SMC6: variants seen among roughly 807,000 people sequenced by gnomAD.
SMC6 encodes the protein structural maintenance of chromosomes 6.
SMC6 carries 79 observed loss-of-function variants against 142.2 expected under a neutral mutation model. That is an observed-to-expected ratio of 0.56 (90% CI 0.46 to 0.67). The LOEUF (loss-of-function observed/expected upper bound fraction) is 0.67. Ranked by LOEUF, SMC6 falls within the 30% of genes least tolerant of loss-of-function variation. The pLI, the probability that SMC6 is intolerant of heterozygous loss-of-function variation, is 0.00. For missense variants in SMC6, 1,072 were observed against 1,284.0 expected (o/e 0.83, Z 2.52); for synonymous variants, 411 against 412.4 (o/e 1.00, Z 0.04).
Position 17,679,169 on chromosome 2 carries a change from A to G in SMC6, c.2805-205T>C. On this transcript the variant is annotated intron_variant, in intron 24 of 27. Transcript: ENST00000448223. ...TATGTCCCTACACTTTCACCAGTTC[A>G]TTTACTTTTATAACAAAAAAATTAA... 5 of 433,530 alleles carry G rather than the reference A, an allele frequency of 1.2e-5. No homozygotes were observed. In the South Asian group the frequency reaches 2.2e-4, roughly 19 times the overall value. The allele number at this position is 433,530 out of a possible 1,614,324, so 26.9% of individuals were successfully genotyped here. A position where few individuals can be genotyped will look rare whatever the true frequency, so the allele number is the denominator to read the frequency against.
chr2:17,700,331 TTCC>T lies in SMC6; in HGVS notation c.2268_2270del (p.Glu757del). 1 of 1,609,996 alleles carries T rather than the reference TTCC, an allele frequency of 6.2e-7. No individual in the cohort carries two copies. Among genetic ancestry groups the T allele is most frequent in the Non-Finnish European group, 8.5e-7 (1 of 1,178,600 alleles). On this transcript the variant is annotated inframe_deletion, in exon 21 of 28. Transcript: ENST00000448223. ...TATTTTCTTTTTGTTGCTCCATATG[TTCC>T]TCAACCATTTTCATTTTGCTTTTAT...
rs1666421708 is a variant in SMC6 at position 17,664,827 on chromosome 2, G to C, written c.*672C>G. ...CTCTAGCCTGTGTCCTCTCAGCTGA[G>C]GACAAGCCTGAACAGTCCCTGGACT... On this transcript the variant is annotated 3_prime_UTR_variant, in exon 28 of 28. Transcript: ENST00000448223. The C allele has an allele frequency of 6.6e-6, 1 of 152,192 alleles. No homozygotes were observed. Among genetic ancestry groups the C allele is most frequent in the African/African-American group, 2.4e-5 (1 of 41,408 alleles). The allele number at this position is 152,192 out of a possible 1,614,324, so 9.4% of individuals were successfully genotyped here.
chr2:17,693,084 A>G (rs1436705400), intron 23 of SMC6, among the ~76,000 whole-genome samples: 2 of 152,196 alleles, frequency 1.3e-5, no homozygotes, highest in Admixed American at 6.5e-5. Context: ...GTAGAGAAAT[A>G]GGAACACTTT....
chr2:17,731,744 T>C lies in SMC6; in HGVS notation c.478A>G (p.Thr160Ala). 1 of 1,611,050 alleles carries C rather than the reference T, an allele frequency of 6.2e-7. No homozygotes were observed. Among genetic ancestry groups the C allele is most frequent in the Non-Finnish European group, 8.5e-7 (1 of 1,178,986 alleles). ...GSRSYKLKSA[T>A]GSVVSTRKEE... ...TGAAAAGAGAATCAAAACAAACCTG[T>C]TGCACTTTTAAGTTTATAAGATCGA... The change falls in exon 6 of 28, where the codon ACA becomes GCA. Residue 160 changes from threonine (T) to alanine (A), a missense_variant. Physicochemically the swap from Thr to Ala is moderately conservative, Grantham distance 58. Transcript: ENST00000448223.
At chr2:17,681,073 T>G (rs920150069) in intron 24 of SMC6, 2 of 152,246 alleles carry the variant, frequency 1.3e-5, no homozygotes, top group African/African-American at 4.8e-5. Context: ...ATGTGCAGCT[T>G]CTACATCAGC....
At chr2:17,709,761 A>C (rs935648267) in intron 16 of SMC6, among the ~76,000 whole-genome samples, 3 of 152,162 alleles carry the variant, frequency 2.0e-5, no homozygotes, top group African/African-American at 7.2e-5. Context: ...TTTTTTACAC[A>C]CACAAAAAAA....
intron 4 of SMC6, 23 bp downstream of exon 4, chr2:17,741,589 A>C (rs1487421206): frequency 6.7e-7 from 1 of 1,494,916 alleles, no homozygotes; most frequent in Non-Finnish European, 9.2e-7. Flanking sequence ...TCAAAGTCAA[A>C]CGAGAAGGGA....
chr2:17,701,730 A>C (rs1668280588), intron 20 of SMC6, 99 bp downstream of exon 20: 1 of 710,974 alleles, frequency 1.4e-6, no homozygotes, highest in African/African-American at 1.8e-5. Flanking sequence ...GAGTAGCTTC[A>C]ATTAAAAGAA....
intron 7 of SMC6, among the ~76,000 whole-genome samples, chr2:17,730,603 C>CTT (rs397870131): frequency 7.4e-5 from 10 of 134,676 alleles, no homozygotes; most frequent in South Asian, 7.1e-4. Context: ...TTAATAAATT[C>CTT]TTTTTTTTTT....
chr2:17,735,533 C>A (rs539391550), intron 5 of SMC6, among the ~76,000 whole-genome samples: 3 of 152,302 alleles, frequency 2.0e-5, no homozygotes, highest in African/African-American at 7.2e-5. Context: ...CCCTCTATAA[C>A]CCTTGTGCCA....
At chr2:17,718,355 T>C (rs1669206510) in intron 11 of SMC6, 132 bp from the exon 12 acceptor site, 1 of 515,158 alleles carries the variant, frequency 1.9e-6, no homozygotes, top group African/African-American at 2.0e-5. Flanking sequence ...AAACATAACA[T>C]AACATTATAT....
At chr2:17,686,838 G>C (rs545766870) in intron 23 of SMC6, among the ~76,000 whole-genome samples, 4 of 152,286 alleles carry the variant, frequency 2.6e-5, no homozygotes, top group East Asian at 1.9e-4. Flanking sequence ...TGTTTACATG[G>C]ATGGCTAAGA....
At position 17,720,949 on chromosome 2, in the gene SMC6, T is replaced by C; in HGVS notation, c.936A>G (p.Glu312=). Residue 312 remains glutamate, a synonymous_variant, in exon 11 of 28, where the codon GAA becomes GAG. Coordinates refer to ENST00000448223, the MANE Select transcript of SMC6 (RefSeq NM_001142286.2). ...TAAAAACTGTAATTACCTGCTGTTCTTCCATTTTCCTGTCAAGTCTAGCAG... is the reference window on the plus strand; with the variant it reads ...TAAAAACTGTAATTACCTGCTGTTCCTCCATTTTCCTGTCAAGTCTAGCAG... ...DRAARLDRKM[E]EQQVRLNEAE... The C allele has an allele frequency of 1.2e-6, 2 of 1,612,928 alleles. No individual in the cohort carries two copies. Among genetic ancestry groups the C allele is most frequent in the Non-Finnish European group, 1.7e-6 (2 of 1,179,468 alleles).
chr2:17,725,167 T>C (rs1010509082), intron 9 of SMC6, 90 bp downstream of exon 9: 25 of 808,622 alleles, frequency 3.1e-5, no homozygotes, highest in Non-Finnish European at 4.1e-5. Context: ...TATATAAATA[T>C]ACAGACACAT....
intron 5 of SMC6, among the ~76,000 whole-genome samples, chr2:17,736,543 G>C (rs1198889664): frequency 2.0e-5 from 3 of 152,038 alleles, no homozygotes; most frequent in African/African-American, 4.8e-5. Flanking sequence ...AAGTAGACTG[G>C]GTGATTGTTT....
intron 12 of SMC6, 33 bp from the exon 13 acceptor site, chr2:17,717,209 A>G (rs767703297): frequency 1.6e-4 from 234 of 1,508,570 alleles, no homozygotes; most frequent in Non-Finnish European, 1.6e-4. Flanking sequence ...CTTTACAAAA[A>G]TGAAAACACA....
intron 9 of SMC6, among the ~76,000 whole-genome samples, chr2:17,723,364 T>C (rs1325568662): frequency 6.6e-6 from 1 of 152,226 alleles, no homozygotes; most frequent in Non-Finnish European, 1.5e-5. Context: ...TCCATTTTCA[T>C]GTCTTCTACT....
chr2:17,712,108 T>C (rs1424764300), intron 16 of SMC6, among the ~76,000 whole-genome samples: 1 of 152,124 alleles, frequency 6.6e-6, no homozygotes, highest in Non-Finnish European at 1.5e-5. Flanking sequence ...AATATGAAGT[T>C]TGAAGGAAGG....
At chr2:17,751,454 ACT>A (rs950597793) in intron 2 of SMC6, among the ~76,000 whole-genome samples, 9 of 148,466 alleles carry the variant, frequency 6.1e-5, no homozygotes, top group African/African-American at 1.8e-4. Flanking sequence ...CAAGAGTAAA[ACT>A]CTGTCTCAAA....
Sources: allele counts gnomAD v4.1 joint callset (sites outside exome capture counted in the v4.1 genomes callset), GRCh38; gene constraint gnomAD v4.1.1; transcripts MANE v1.5; gene names NCBI Gene and HGNC (gene_info 2026-07-23, HGNC 2026-07-21).